Variants in FAM107B observed in about 807,000 individuals in gnomAD.
FAM107B encodes family with sequence similarity 107 member B.
In FAM107B, 21 loss-of-function variants were observed where a neutral mutation model predicts 31.5. That is an observed-to-expected ratio of 0.67 (90% confidence interval 0.47 to 0.96). The LOEUF is 0.96. Ranked by LOEUF, FAM107B falls within the 40% of genes least tolerant of loss-of-function variation. The pLI, the probability that FAM107B is intolerant of heterozygous loss-of-function variation, is 0.00. For synonymous variants in FAM107B, 157 were observed against 141.5 expected, an observed-to-expected ratio of 1.11 and a Z score of -0.78; for missense variants, 452 against 377.1, an observed-to-expected ratio of 1.20 and a Z score of -1.64.
chr10:14,679,021 C>T (rs1201370480), intron 1 of FAM107B, among the ~76,000 whole-genome samples: 1 of 152,226 alleles, frequency 6.6e-6, no homozygotes, highest in Non-Finnish European at 1.5e-5. Context: ...CACAGGGGTG[C>T]TGGAAAGGAT....
intron 2 of FAM107B, among the ~76,000 whole-genome samples, chr10:14,583,925 C>A (rs1040528936): frequency 1.3e-5 from 2 of 152,248 alleles, no homozygotes; most frequent in Middle Eastern, 3.4e-3. Flanking sequence ...TCGTGGTCAC[C>A]GTTGTTCATA....
At chr10:14,735,172 T>C (rs1179282740) in intron 1 of FAM107B, among the ~76,000 whole-genome samples, 1 of 152,208 alleles carries the variant, frequency 6.6e-6, no homozygotes, top group Non-Finnish European at 1.5e-5. Context: ...CCTTTTGTGA[T>C]AGGATAGATC....
At chr10:14,607,110 A>G (rs1852614010) in intron 2 of FAM107B, among the ~76,000 whole-genome samples, 1 of 152,218 alleles carries the variant, frequency 6.6e-6, no homozygotes, top group African/African-American at 2.4e-5. Flanking sequence ...ATAAGTGACC[A>G]CGGTCTTTTC....
intron 2 of FAM107B, among the ~76,000 whole-genome samples, chr10:14,664,106 G>A: frequency 6.6e-6 from 1 of 152,042 alleles, no homozygotes; most frequent in Non-Finnish European, 1.5e-5. Flanking sequence ...CACCTCCTTA[G>A]TGCTCCCTGG....
At chr10:14,522,114 G>C (rs1245909178) in intron 3 of FAM107B, 95 bp from the exon 4 acceptor site, 1 of 1,480,448 alleles carries the variant, frequency 6.8e-7, no homozygotes, top group Non-Finnish European at 9.0e-7. Context: ...CCACGGAAAA[G>C]TGGTCTACAA....
At position 14,672,263 on chromosome 10, in the gene FAM107B, A is replaced by G. The variant is rs902715497; in HGVS notation, c.412-4572T>C. 2.6e-5 allele frequency among the ~76,000 whole-genome samples: 4 copies of G among 151,674 alleles called. No homozygotes were observed. The East Asian group carries it at 7.7e-4, about 29-fold the overall frequency. ...GCCACCATGCCCAGCTAATTTTTGTATTTTAGTGGAGACGGGATTTCACCA... is the reference window on the plus strand; with the variant it reads ...GCCACCATGCCCAGCTAATTTTTGTGTTTTAGTGGAGACGGGATTTCACCA... On this transcript the variant is annotated intron_variant, in intron 1 of 4. Transcript: ENST00000181796.
At chr10:14,722,312 C>T (rs1855930695) in intron 1 of FAM107B, among the ~76,000 whole-genome samples, 1 of 152,134 alleles carries the variant, frequency 6.6e-6, no homozygotes, top group African/African-American at 2.4e-5. Context: ...TTGTGAATGG[C>T]TTCTTTCACT....
chr10:14,732,293 T>C (rs1856192497), intron 1 of FAM107B, among the ~76,000 whole-genome samples: 1 of 152,160 alleles, frequency 6.6e-6, no homozygotes, highest in Non-Finnish European at 1.5e-5. Context: ...GACCTATTTC[T>C]CCACTCTATA....
At chr10:14,644,755 T>C (rs1853711187) in intron 2 of FAM107B, among the ~76,000 whole-genome samples, 1 of 152,216 alleles carries the variant, frequency 6.6e-6, no homozygotes, top group Admixed American at 6.5e-5. Flanking sequence ...AATGCAAGTA[T>C]TGGTATGAGT....
chr10:14,736,506 T>C (rs927401382), intron 1 of FAM107B, among the ~76,000 whole-genome samples: 2 of 152,232 alleles, frequency 1.3e-5, no homozygotes, highest in African/African-American at 4.8e-5. Flanking sequence ...CTCTTCAGCC[T>C]ATTGCACTAA....
intron 2 of FAM107B, among the ~76,000 whole-genome samples, chr10:14,558,798 G>A (rs1393567570): frequency 2.6e-5 from 4 of 152,092 alleles, no homozygotes; most frequent in Non-Finnish European, 5.9e-5. Context: ...TGTTCTGCCA[G>A]GTGTAGTGAA....
intron 2 of FAM107B, among the ~76,000 whole-genome samples, chr10:14,616,429 A>G (rs985333069): frequency 6.6e-6 from 1 of 152,234 alleles, no homozygotes; most frequent in African/African-American, 2.4e-5. Context: ...AATGAGGTTG[A>G]AAATGAATAT....
At chr10:14,707,104 C>A (rs1012855605) in intron 1 of FAM107B, among the ~76,000 whole-genome samples, 3 of 151,384 alleles carry the variant, frequency 2.0e-5, no homozygotes. Context: ...CCAGCCTGGG[C>A]GACAGAGCAA....
intron 2 of FAM107B, among the ~76,000 whole-genome samples, chr10:14,552,775 G>A (rs1047013954): frequency 1.3e-5 from 2 of 151,968 alleles, no homozygotes; most frequent in African/African-American, 2.4e-5. Context: ...GGGTTGCAGT[G>A]AGCCAAAATC....
intron 2 of FAM107B, among the ~76,000 whole-genome samples, chr10:14,634,314 C>A (rs1234032353): frequency 6.6e-6 from 1 of 151,022 alleles, no homozygotes; most frequent in Admixed American, 6.6e-5. Context: ...GCAGGAGAAT[C>A]GCTTAAACCC....
At position 14,774,787 on chromosome 10, in the gene FAM107B, T is replaced by C. The variant is rs1417713826; in HGVS notation, c.-124A>G. On this transcript the variant is annotated 5_prime_UTR_variant, in exon 1 of 5. Transcript: ENST00000181796. ...CCGAAGAGAAGAACTTGCTAGTGGT[T>C]GCCCCTAAATAGAAGTTGGGATGGC... is the stretch of plus-strand genomic sequence containing the variant. The C allele has an allele frequency of 1.8e-6, 2 of 1,129,912 alleles. No homozygotes were observed. The highest frequency in any genetic ancestry group is 1.6e-5 in the African/African-American group (1 of 63,930). 70.0% of individuals were successfully genotyped at this position (1,129,912 alleles called of 1,614,324 possible). A position where few individuals can be genotyped will look rare whatever the true frequency, so the allele number is the denominator to read the frequency against.
intron 1 of FAM107B, among the ~76,000 whole-genome samples, chr10:14,726,738 C>T (rs1856044427): frequency 6.6e-6 from 1 of 152,022 alleles, no homozygotes; most frequent in Non-Finnish European, 1.5e-5. Context: ...TTGTGCCTTC[C>T]CCCCTAAAGA....
chr10:14,572,190 GA>G (rs1298206445), intron 2 of FAM107B: 9 of 985,300 alleles, frequency 9.1e-6, no homozygotes, highest in Non-Finnish European at 1.1e-5. Flanking sequence ...AGCAAACAAT[GA>G]AAAACAAACC....
intron 1 of FAM107B, among the ~76,000 whole-genome samples, chr10:14,722,420 A>T (rs1353436319): frequency 1.3e-5 from 2 of 152,134 alleles, no homozygotes; most frequent in Non-Finnish European, 2.9e-5. Context: ...GATATATTCC[A>T]TGCTGCTTTT....
Sources: gnomAD v4.1 joint callset for allele counts (sites outside exome capture counted in the v4.1 genomes callset) on GRCh38, gnomAD v4.1.1 for gene constraint, MANE v1.5 for transcripts, NCBI Gene and HGNC (gene_info 2026-07-23, HGNC 2026-07-21) for gene names.